Variants in PRKCB observed in about 807,000 individuals in gnomAD.
The protein encoded by PRKCB is protein kinase C beta.
Under a neutral mutation model 81.5 loss-of-function variants are expected in PRKCB, and 13 were observed. The observed-to-expected ratio is 0.16, with a 90% CI of 0.10 to 0.25. The LOEUF is 0.25. Among genes scored for constraint, PRKCB ranks in the 10% least tolerant of loss-of-function variants. The pLI, the probability that PRKCB is intolerant of heterozygous loss-of-function variation, is 1.00. For synonymous variants in PRKCB, 335 were observed against 321.4 expected (o/e 1.04, Z -0.45); for missense variants, 509 against 875.7 (o/e 0.58, Z 5.29).
rs1298853295 is a variant in PRKCB at position 23,981,582 on chromosome 16, T to TCCC, written c.206-6926_206-6925insCCC. 3.5e-3 allele frequency among the ~76,000 whole-genome samples: 524 copies of TCCC among 151,198 alleles called. 2 individuals carry two copies. Among genetic ancestry groups the TCCC allele is most frequent in the Non-Finnish European group, 5.9e-3 (400 of 67,754 alleles). The stretch of plus-strand genomic sequence containing the variant: ...CCTTTCTTCTTTCCTTTCTTTTCCT[T>TCCC]TCCTTTCCTTCCCTTCCCTTCCCTT... On this transcript the variant is annotated intron_variant, in intron 2 of 16. Coordinates refer to ENST00000643927, the MANE Select transcript of PRKCB (RefSeq NM_002738.7).
In PRKCB at chr16:24,216,788, TC is replaced by T; in HGVS notation, c.*1975del. ...AGAAGGAGGGAAATCGGAGCAAAGCTCCCTCACTTTATTGTTGAGAAACTGG... is the reference window on the plus strand; with the variant it reads ...AGAAGGAGGGAAATCGGAGCAAAGCTCCTCACTTTATTGTTGAGAAACTGG... On this transcript the variant is annotated 3_prime_UTR_variant, in exon 17 of 17. Transcript: ENST00000643927. 3 of 985,398 alleles carry T rather than the reference TC, an allele frequency of 3.0e-6. No individual in the cohort carries two copies. Among genetic ancestry groups the T allele is most frequent in the Non-Finnish European group, 3.6e-6 (3 of 829,944 alleles). 61.0% of individuals were successfully genotyped at this position (985,398 alleles called of 1,614,324 possible). A position where few individuals can be genotyped will look rare whatever the true frequency, so the allele number is the denominator to read the frequency against.
intron 16 of PRKCB, among the ~76,000 whole-genome samples, chr16:24,211,219 C>T (rs1968133353): frequency 6.6e-6 from 1 of 152,162 alleles, no homozygotes; most frequent in African/African-American, 2.4e-5. Flanking sequence ...TTAAGTCTGA[C>T]AAGAGTCTTT....
intron 6 of PRKCB, among the ~76,000 whole-genome samples, chr16:24,093,324 A>G (rs761750103): frequency 1.3e-5 from 2 of 152,136 alleles, no homozygotes; most frequent in Non-Finnish European, 2.9e-5. Context: ...AGTTGGGTTT[A>G]TGGATGATGC....
intron 2 of PRKCB, among the ~76,000 whole-genome samples, chr16:23,960,260 T>C (rs922009420): frequency 6.6e-6 from 1 of 152,184 alleles, no homozygotes; most frequent in Non-Finnish European, 1.5e-5. Flanking sequence ...ATTATACCCA[T>C]ACCTCCTTGT....
rs540175940 is a variant in PRKCB at position 24,215,072 on chromosome 16, G to T, written c.*256G>T. On this transcript the variant is annotated 3_prime_UTR_variant, in exon 17 of 17. Coordinates refer to ENST00000643927, the MANE Select transcript of PRKCB (RefSeq NM_002738.7). Reference sequence around the variant, plus strand: ...AAAGTCCTCTTACAATTTATTTTCCGCAGCATGTCAGCTAAGTAGACCCAA... The same window carrying T: ...AAAGTCCTCTTACAATTTATTTTCCTCAGCATGTCAGCTAAGTAGACCCAA... 120 of 1,218,180 alleles carry T rather than the reference G, an allele frequency of 9.9e-5. 1 individual carries two copies. The South Asian group carries it at 2.5e-3, about 25-fold the overall frequency. 75.5% of individuals were successfully genotyped at this position (1,218,180 alleles called of 1,614,324 possible). A position where few individuals can be genotyped will look rare whatever the true frequency, so the allele number is the denominator to read the frequency against.
intron 7 of PRKCB, among the ~76,000 whole-genome samples, chr16:24,109,307 G>A (rs1351939198): frequency 6.8e-5 from 5 of 73,372 alleles, no homozygotes; most frequent in African/African-American, 2.0e-4. Context: ...CCTCCCTCCC[G>A]GATGGGGTGG....
chr16:23,882,652 C>T (rs61653095), intron 2 of PRKCB, among the ~76,000 whole-genome samples: 6,071 of 152,106 alleles, frequency 0.04, 376 homozygotes, highest in African/African-American at 0.14. Flanking sequence ...GAATAGGCAA[C>T]ATTTTGCTTA....
At chr16:23,996,858 G>A (rs548577768) in intron 3 of PRKCB, among the ~76,000 whole-genome samples, 1 of 152,210 alleles carries the variant, frequency 6.6e-6, no homozygotes, top group South Asian at 2.1e-4. Flanking sequence ...TACCTTGCAT[G>A]CCTGGGCAAG....
chr16:23,942,144 C>T (rs1267818673), intron 2 of PRKCB, among the ~76,000 whole-genome samples: 1 of 152,232 alleles, frequency 6.6e-6, no homozygotes, highest in South Asian at 2.1e-4. Flanking sequence ...CCCTTTTGGT[C>T]TCCAGATGCC....
intron 5 of PRKCB, among the ~76,000 whole-genome samples, chr16:24,042,829 C>T (rs1220573928): frequency 6.6e-6 from 1 of 151,616 alleles, no homozygotes; most frequent in Admixed American, 6.6e-5. Flanking sequence ...CCTCGACCTC[C>T]CAGGCTCAAT....
chr16:24,176,212 T>C (rs1278560797), intron 12 of PRKCB, among the ~76,000 whole-genome samples: 1 of 152,058 alleles, frequency 6.6e-6, no homozygotes, highest in Non-Finnish European at 1.5e-5. Flanking sequence ...TTTCTCCTAA[T>C]GATGGAGGGA....
chr16:24,089,477 T>C (rs913026972), intron 5 of PRKCB, among the ~76,000 whole-genome samples: 1 of 151,882 alleles, frequency 6.6e-6, no homozygotes, highest in Non-Finnish European at 1.5e-5. Context: ...ATAATAAAAA[T>C]AGACAAACAG....
chr16:24,112,326 C>A (rs1299508759), intron 7 of PRKCB, among the ~76,000 whole-genome samples: 4 of 152,158 alleles, frequency 2.6e-5, no homozygotes, highest in Non-Finnish European at 5.9e-5. Flanking sequence ...GTCAGGAATT[C>A]AAGACTAGTC....
At chr16:23,933,706 CATCCATTCATCCATCCATCT>C (rs1485186316) in intron 2 of PRKCB, among the ~76,000 whole-genome samples, 1 of 144,542 alleles carries the variant, frequency 6.9e-6, no homozygotes, top group Non-Finnish European at 1.5e-5. Flanking sequence ...TCTATCCATC[CATCCATTCATCCATCCATCT>C]ATCCATCCAT....
At chr16:24,150,096 C>A (rs549018011) in intron 9 of PRKCB, among the ~76,000 whole-genome samples, 2 of 152,124 alleles carry the variant, frequency 1.3e-5, no homozygotes, top group East Asian at 3.9e-4. Flanking sequence ...TTTGGGAGAC[C>A]TAGATGGGCG....
chr16:24,142,471 C>T (rs941894772), intron 9 of PRKCB, among the ~76,000 whole-genome samples: 28 of 152,184 alleles, frequency 1.8e-4, no homozygotes, highest in Non-Finnish European at 3.2e-4. Flanking sequence ...GCTCAGTTTT[C>T]CAGCCCCTGA....
chr16:23,903,401 T>C (rs1342216039), intron 2 of PRKCB, among the ~76,000 whole-genome samples: 1 of 152,060 alleles, frequency 6.6e-6, no homozygotes, highest in African/African-American at 2.4e-5. Context: ...TACCACATCA[T>C]TTCCCCCCTA....
chr16:24,049,374 C>A (rs72779960), intron 5 of PRKCB, among the ~76,000 whole-genome samples: 6,587 of 101,950 alleles, frequency 0.065, 107 homozygotes, highest in Middle Eastern at 0.082. Flanking sequence ...CCCTGGCACA[C>A]CCGGGACCTG....
chr16:24,108,160 A>AT (rs1050746201), intron 7 of PRKCB, among the ~76,000 whole-genome samples: 9 of 128,380 alleles, frequency 7.0e-5, no homozygotes, highest in East Asian at 2.3e-4. Context: ...CCATTTGTTT[A>AT]TTTTTTTTTC....
Sources: gnomAD v4.1 joint callset for allele counts (sites outside exome capture counted in the v4.1 genomes callset) on GRCh38, gnomAD v4.1.1 for gene constraint, MANE v1.5 for transcripts, NCBI Gene and HGNC (gene_info 2026-07-23, HGNC 2026-07-21) for gene names.